The following NSA2 variants were observed in gnomAD, a reference collection of about 807,000 sequenced individuals.
NSA2 encodes the protein NSA2 ribosome biogenesis factor.
NSA2 carries 18 observed loss-of-function variants against 34.8 expected under a neutral mutation model. The observed-to-expected ratio is 0.52, with a 90% CI of 0.36 to 0.77. The LOEUF (loss-of-function observed/expected upper bound fraction) is 0.77, where lower values mean the gene tolerates loss of function less well. Ranked by LOEUF, NSA2 falls within the 30% of genes least tolerant of loss-of-function variation. NSA2 has a pLI of 0.00. For synonymous variants in NSA2, 79 were observed against 100.2 expected (o/e 0.79, Z 1.26); for missense variants, 188 against 314.7 (o/e 0.60, Z 3.05).
chr5:74,775,245 T>G (rs1216905737), intron 5 of NSA2, among the ~76,000 whole-genome samples: 3 of 151,654 alleles, frequency 2.0e-5, no homozygotes, highest in Non-Finnish European at 4.4e-5. Context: ...TGAAAGTGAT[T>G]TAACACAGTT....
chr5:74,767,300 C>G lies in NSA2; in HGVS notation c.-61C>G. 3.7e-6 allele frequency: 6 copies of G among 1,610,722 alleles called. No homozygotes were observed. Among genetic ancestry groups the G allele is most frequent in the Non-Finnish European group, 4.2e-6 (5 of 1,177,430 alleles). On this transcript the variant is annotated 5_prime_UTR_variant, in exon 1 of 6. Transcript: ENST00000610426. ...TGTGGGCTTGTGGGTCTTTGAGACCCGAAAATTGAGAGCGTTTTCGCACTC... is the reference window on the plus strand; with the variant it reads ...TGTGGGCTTGTGGGTCTTTGAGACCGGAAAATTGAGAGCGTTTTCGCACTC...
At chr5:74,772,571 A>G (rs1744978992) in intron 4 of NSA2, among the ~76,000 whole-genome samples, 1 of 152,216 alleles carries the variant, frequency 6.6e-6, no homozygotes, top group Non-Finnish European at 1.5e-5. Context: ...ATATGGCCTG[A>G]CAAAGCCTAA....
chr5:74,772,608 C>CA (rs975402790), intron 4 of NSA2, among the ~76,000 whole-genome samples: 1 of 152,150 alleles, frequency 6.6e-6, no homozygotes, highest in African/African-American at 2.4e-5. Context: ...GTTCTTTACA[C>CA]AAAATGTTTG....
In NSA2 at chr5:74,770,466, C is replaced by T. The variant is rs181050081; in HGVS notation, c.343-165C>T. 3.6e-3 allele frequency among the ~76,000 whole-genome samples: 547 copies of T among 152,106 alleles called. 6 individuals are homozygous for T. Among genetic ancestry groups the T allele is most frequent in the African/African-American group, 0.013 (522 of 41,492 alleles). On this transcript the variant is annotated intron_variant, in intron 3 of 5. Transcript: ENST00000610426. The stretch of plus-strand genomic sequence containing the variant: ...ATATAAACTTGTTCTGTTTAATTTG[C>T]AGCTTATGAGACAATACAGACCTCT...
At chr5:74,772,211 G>C (rs1464443359) in intron 4 of NSA2, among the ~76,000 whole-genome samples, 2 of 147,930 alleles carry the variant, frequency 1.4e-5, no homozygotes, top group Admixed American at 1.4e-4. Context: ...TGCAAGCTCC[G>C]CCTCCCGGGT....
chr5:74,768,741 C>T (rs1478826140), intron 1 of NSA2, among the ~76,000 whole-genome samples, 190 bp from the exon 2 acceptor site: 1 of 152,108 alleles, frequency 6.6e-6, no homozygotes, highest in Non-Finnish European at 1.5e-5. Context: ...GAGATGTAAG[C>T]CCTGATGCCT....
intron 5 of NSA2, among the ~76,000 whole-genome samples, chr5:74,775,285 G>A (rs1199695017): frequency 6.6e-6 from 1 of 151,956 alleles, no homozygotes; most frequent in Non-Finnish European, 1.5e-5. Flanking sequence ...CCATTAACAG[G>A]TCTCAGAAAT....
In NSA2 at chr5:74,767,381, G is replaced by A; in HGVS notation, c.3+18G>A. 1 of 1,612,488 alleles carries A rather than the reference G, an allele frequency of 6.2e-7. No individual in the cohort carries two copies. Among genetic ancestry groups the A allele is most frequent in the Non-Finnish European group, 8.5e-7 (1 of 1,179,630 alleles). On this transcript the variant is annotated intron_variant, in intron 1 of 5. Transcript: ENST00000610426. ...TCACCATGGTAAGGAGGATGCCTCG[G>A]ACGCTCGCGACACACAGCGTCTGAG...
chr5:74,771,976 G>A (rs1047026865), intron 4 of NSA2, among the ~76,000 whole-genome samples: 19 of 152,114 alleles, frequency 1.2e-4, no homozygotes, highest in South Asian at 4.2e-4. Context: ...CCCACCCCTG[G>A]GGAGAAACAT....
At chr5:74,768,900 A>C in intron 1 of NSA2, 31 bp from the exon 2 acceptor site, 3 of 1,470,250 alleles carry the variant, frequency 2.0e-6, no homozygotes, top group Non-Finnish European at 2.7e-6. Flanking sequence ...TACTTTAAAA[A>C]ATTAAAATAA....
chr5:74,772,754 A>C (rs1183120276), intron 4 of NSA2, among the ~76,000 whole-genome samples: 1 of 152,240 alleles, frequency 6.6e-6, no homozygotes, highest in African/African-American at 2.4e-5. Flanking sequence ...GTAGTTTCAC[A>C]GATTTGTCAT....
At chr5:74,768,487 CTT>C (rs1477802276) in intron 1 of NSA2, among the ~76,000 whole-genome samples, 1 of 152,092 alleles carries the variant, frequency 6.6e-6, no homozygotes, top group African/African-American at 2.4e-5. Flanking sequence ...AATGGAAATT[CTT>C]TGTATTTTGA....
Position 74,776,659 on chromosome 5 carries a change from C to T in NSA2, c.771C>T (p.Val257=), listed in dbSNP as rs1745139128. 1 of 1,568,434 alleles carries T rather than the reference C, an allele frequency of 6.4e-7. No individual in the cohort carries two copies. The highest frequency in any genetic ancestry group is 8.8e-7 in the Non-Finnish European group (1 of 1,140,488). The change falls in exon 6 of 6, where the codon GTC becomes GTT. Residue 257 remains valine (V), a synonymous_variant. Coordinates refer to ENST00000610426, the MANE Select transcript of NSA2 (RefSeq NM_014886.6). ...AAAATGATGGATGTATAAATGCAGT[C>T]TTACTGGTTTGACAGCAATTTCATA... The part of the protein sequence containing the change: ...NPENDGCINA[V]LLV
At position 74,767,387 on chromosome 5, in the gene NSA2, C is replaced by T. The variant is rs960834479; in HGVS notation, c.3+24C>T. 8 of 1,612,072 alleles carry T rather than the reference C, an allele frequency of 5.0e-6. No individual in the cohort carries two copies. The Admixed American group carries it at 5.0e-5, about 10-fold the overall frequency. On this transcript the variant is annotated intron_variant, in intron 1 of 5. Transcript: ENST00000610426. ...TGGTAAGGAGGATGCCTCGGACGCTCGCGACACACAGCGTCTGAGTTAGTG... is the reference window on the plus strand; with the variant it reads ...TGGTAAGGAGGATGCCTCGGACGCTTGCGACACACAGCGTCTGAGTTAGTG...
rs145490462 is a variant in NSA2 at position 74,774,056 on chromosome 5, T to C, written c.711T>C (p.Ile237=). 3.4e-4 allele frequency: 554 copies of C among 1,612,026 alleles called. No individual in the cohort carries two copies. Among genetic ancestry groups the C allele is most frequent in the Non-Finnish European group, 4.3e-4 (506 of 1,178,548 alleles). Residue 237 remains isoleucine, a synonymous_variant, in exon 5 of 6, where the codon ATT becomes ATC. Transcript: ENST00000610426. The part of the protein sequence containing the change: ...LGLVTQGGKV[I]WGKYAQVTNN... The stretch of plus-strand genomic sequence containing the variant: ...TTGTGACACAAGGAGGCAAAGTTAT[T>C]TGGGGTAAGTGAATTTTTGAATACA...
At chr5:74,773,470 CAAAAAAAAA>C (rs768356175) in intron 4 of NSA2, among the ~76,000 whole-genome samples, 1 of 98,996 alleles carries the variant, frequency 1.0e-5, no homozygotes, top group African/African-American at 3.4e-5. Flanking sequence ...CCATCTCTAC[CAAAAAAAAA>C]AAAAAAAAAA....
At position 74,769,009 on chromosome 5, in the gene NSA2, G is replaced by T. The variant is rs1289639983; in HGVS notation, c.82G>T (p.Glu28Ter). The change falls in exon 2 of 6, where the codon GAA becomes TAA. Residue 28 changes from glutamate (E) to a stop codon, truncating the protein, a stop_gained. Transcript: ENST00000610426. LOFTEE classifies it high-confidence loss of function. ...LDYHEKKRKK[E>*]SREAHERSKK... The stretch of plus-strand genomic sequence containing the variant: ...TTACCATGAGAAAAAGAGAAAGAAG[G>T]AAAGTCGAGAGGCTCATGAACGTTC... 6.2e-7 allele frequency: 1 copy of T among 1,611,178 alleles called. No homozygotes were observed. Among genetic ancestry groups the T allele is most frequent in the Admixed American group, 1.7e-5 (1 of 59,690 alleles).
chr5:74,770,404 T>TAGCTTA (rs1173041395), intron 3 of NSA2, among the ~76,000 whole-genome samples: 1 of 152,130 alleles, frequency 6.6e-6, no homozygotes, highest in East Asian at 1.9e-4. Context: ...TTAAGATTTT[T>TAGCTTA]AGCTTAAGCC....
chr5:74,771,970 C>A (rs1744949319), intron 4 of NSA2, among the ~76,000 whole-genome samples: 1 of 152,108 alleles, frequency 6.6e-6, no homozygotes, highest in Admixed American at 6.5e-5. Flanking sequence ...AACTTCCCCA[C>A]CCCTGGGGAG....
Sources: gnomAD v4.1 joint callset for allele counts (sites outside exome capture counted in the v4.1 genomes callset) on GRCh38, gnomAD v4.1.1 for gene constraint, MANE v1.5 for transcripts, NCBI Gene and HGNC (gene_info 2026-07-23, HGNC 2026-07-21) for gene names.